Variants in CCNK observed in about 807,000 individuals in gnomAD.
The protein encoded by CCNK is cyclin-K.
In CCNK, 9 loss-of-function variants were observed where a neutral mutation model predicts 65.0. That is an observed-to-expected ratio of 0.14 (90% CI 0.08 to 0.24). The LOEUF is 0.24. Among genes scored for constraint, CCNK ranks in the 10% least tolerant of loss-of-function variants. The pLI is 1.00. For synonymous variants in CCNK, 279 were observed against 270.8 expected (o/e 1.03, Z -0.30); for missense variants, 474 against 720.0 (o/e 0.66, Z 3.91).
chr14:99,492,932 ATAAT>A lies in CCNK; in HGVS notation c.197+61_197+64del, dbSNP rs573499697. 4,898 of 1,357,026 alleles carry A rather than the reference ATAAT, an allele frequency of 3.6e-3. 12 individuals carry two copies. Among genetic ancestry groups the A allele is most frequent in the Non-Finnish European group, 4.5e-3 (4,478 of 1,004,736 alleles). 84.1% of individuals were successfully genotyped at this position (1,357,026 alleles called of 1,614,324 possible). A position where few individuals can be genotyped will look rare whatever the true frequency, so the allele number is the denominator to read the frequency against. ...TAGGCTCCCCACTCACCACCAAGAA[ATAAT>A]TAGATTCTGTAGACAAAATATATAG... On this transcript the variant is annotated intron_variant, in intron 2 of 10. Transcript: ENST00000389879.
chr14:99,499,679 T>G (rs1260913310), intron 4 of CCNK, among the ~76,000 whole-genome samples: 3 of 152,126 alleles, frequency 2.0e-5, no homozygotes, highest in Non-Finnish European at 4.4e-5. Context: ...AGGGGCTGAG[T>G]TCAAGACATT....
chr14:99,510,948 A>G lies in CCNK; in HGVS notation c.*166A>G. On this transcript the variant is annotated 3_prime_UTR_variant, in exon 11 of 11. Coordinates refer to ENST00000389879, the MANE Select transcript of CCNK (RefSeq NM_001099402.2). ...TAAAATCAGAGTGGTCCTCACACCT[A>G]GAGGACGGGGACAACCAGCTTTCAG... 2 of 525,216 alleles carry G rather than the reference A, an allele frequency of 3.8e-6. No individual in the cohort carries two copies. Among genetic ancestry groups the G allele is most frequent in the Non-Finnish European group, 6.0e-6 (2 of 335,070 alleles). The allele number at this position is 525,216 out of a possible 1,614,324, so 32.5% of individuals were successfully genotyped here.
At chr14:99,509,908 T>G in intron 10 of CCNK, 1 of 552,110 alleles carries the variant, frequency 1.8e-6, no homozygotes, top group East Asian at 3.1e-5. Context: ...TGCCTGTAGG[T>G]GGTGTGGTCA....
intron 4 of CCNK, 67 bp from the exon 5 acceptor site, chr14:99,500,699 A>G (rs2139868973): frequency 6.9e-6 from 7 of 1,019,264 alleles, no homozygotes; most frequent in East Asian, 2.6e-5. Context: ...AGGAAAGCTC[A>G]CTTTTGTAAT....
chr14:99,496,324 T>A (rs1173012346), intron 4 of CCNK, among the ~76,000 whole-genome samples: 1 of 152,176 alleles, frequency 6.6e-6, no homozygotes, highest in East Asian at 1.9e-4. Flanking sequence ...AAATAGATTT[T>A]CAAAAATACT....
Position 99,490,119 on chromosome 14 carries a change from T to C in CCNK, c.-52-2507T>C, listed in dbSNP as rs190892743. 3.3e-3 allele frequency among the ~76,000 whole-genome samples: 496 copies of C among 152,356 alleles called. 7 individuals carry two copies. Among genetic ancestry groups the C allele is most frequent in the Non-Finnish European group, 2.9e-3 (199 of 68,028 alleles). ...ATATTTACTTACTAGTGGGTGGTTT[T>C]AACATATGTCCACAATTTCTTTGAT... On this transcript the variant is annotated intron_variant, in intron 1 of 10. Coordinates refer to ENST00000389879, the MANE Select transcript of CCNK (RefSeq NM_001099402.2).
intron 5 of CCNK, 86 bp from the exon 6 acceptor site, chr14:99,501,270 A>G: frequency 1.2e-6 from 1 of 854,666 alleles, no homozygotes; most frequent in Non-Finnish European, 2.0e-6. Flanking sequence ...GTGGTGCTGA[A>G]CACGTGGTAG....
intron 1 of CCNK, among the ~76,000 whole-genome samples, chr14:99,483,749 A>G (rs1315911289): frequency 6.6e-6 from 1 of 152,242 alleles, no homozygotes; most frequent in Non-Finnish European, 1.5e-5. Flanking sequence ...TATCCATGCA[A>G]ATTACCAAAC....
intron 1 of CCNK, among the ~76,000 whole-genome samples, chr14:99,490,339 A>G (rs921505929): frequency 6.6e-6 from 1 of 152,196 alleles, no homozygotes; most frequent in Admixed American, 6.5e-5. Flanking sequence ...GCACCCAAAT[A>G]TGATGTGTAG....
chr14:99,494,126 A>G (rs1896650490), intron 3 of CCNK: 1 of 152,838 alleles, frequency 6.5e-6, no homozygotes, highest in Non-Finnish European at 1.5e-5. Context: ...GAGAGCAGGG[A>G]AAGTGCTAGG....
In CCNK at chr14:99,492,801, G is replaced by C; in HGVS notation, c.124G>C (p.Asp42His). ...AHTPSQLEGL[D>H]PATEARYRRE... ...TACACCCTCACAACTTGAAGGACTT[G>C]ATCCAGCCACCGAGGCCCGGTACCG... Residue 42 changes from aspartate (D) to histidine (H), a missense_variant, in exon 2 of 11, where the codon GAT becomes CAT. Coordinates refer to ENST00000389879, the MANE Select transcript of CCNK (RefSeq NM_001099402.2). 1 of 1,613,212 alleles carries C rather than the reference G, an allele frequency of 6.2e-7. No individual in the cohort carries two copies. The highest frequency in any genetic ancestry group is 8.5e-7 in the Non-Finnish European group (1 of 1,179,694).
chr14:99,501,813 G>A (rs1214142598), intron 6 of CCNK: 3 of 232,660 alleles, frequency 1.3e-5, no homozygotes, highest in East Asian at 1.1e-4. Context: ...CAGAATGCCT[G>A]TGAATGGAGT....
In CCNK at chr14:99,507,069, T is replaced by C. The variant is rs982146603; in HGVS notation, c.1046-7T>C. 4.4e-6 allele frequency: 7 copies of C among 1,590,958 alleles called. No homozygotes were observed. The highest frequency in any genetic ancestry group is 6.0e-6 in the Non-Finnish European group (7 of 1,158,904). ...GAGTGGTTTTCTAATCTGCTTTTTC[T>C]TTGTAGAACCACCACCACCTAAAAT... On this transcript the variant is annotated splice_region_variant and splice_polypyrimidine_tract_variant and intron_variant, in intron 9 of 10. Transcript: ENST00000389879.
chr14:99,510,757 TG>T lies in CCNK; in HGVS notation c.1722del (p.Arg575GlyfsTer5). ...PPPGMPPVGG[L>X]GRAAWMR ...CCCGGCATGCCTCCAGTTGGGGGGC[TG>T]GGGCGGGCAGCCTGGATGAGATAAC... On this transcript the variant is annotated frameshift_variant, in exon 11 of 11. Coordinates refer to ENST00000389879, the MANE Select transcript of CCNK (RefSeq NM_001099402.2). LOFTEE classifies it high-confidence loss of function. 1.4e-6 allele frequency: 2 copies of T among 1,453,550 alleles called. No homozygotes were observed. The highest frequency in any genetic ancestry group is 9.1e-7 in the Non-Finnish European group (1 of 1,103,960). The allele number at this position is 1,453,550 out of a possible 1,614,324, so 90.0% of individuals were successfully genotyped here.
chr14:99,502,822 A>G lies in CCNK; in HGVS notation c.849A>G (p.Pro283=). ...AGCCCCCATCTCTTCAGCCTACACCACAAGTGCCGCAAGTACAGCAGTCAC... is the reference window on the plus strand; with the variant it reads ...AGCCCCCATCTCTTCAGCCTACACCGCAAGTGCCGCAAGTACAGCAGTCAC... ...LQQPPSLQPT[P]QVPQVQQSQP... is the part of the protein sequence containing the mutation. Residue 283 remains proline, a synonymous_variant, in exon 8 of 11, where the codon CCA becomes CCG. Transcript: ENST00000389879. 2 of 1,613,404 alleles carry G rather than the reference A, an allele frequency of 1.2e-6. No homozygotes were observed. Among genetic ancestry groups the G allele is most frequent in the Non-Finnish European group, 1.7e-6 (2 of 1,179,740 alleles).
intron 1 of CCNK, among the ~76,000 whole-genome samples, chr14:99,491,631 G>C (rs962657206): frequency 6.6e-6 from 1 of 152,182 alleles, no homozygotes; most frequent in Non-Finnish European, 1.5e-5. Context: ...TTCCTTCAGA[G>C]CTACCAGGTG....
At chr14:99,491,003 A>C (rs1896586808) in intron 1 of CCNK, among the ~76,000 whole-genome samples, 1 of 151,530 alleles carries the variant, frequency 6.6e-6, no homozygotes, top group Non-Finnish European at 1.5e-5. Flanking sequence ...TGTGTACACT[A>C]TCCTATACCT....
At chr14:99,494,427 T>A (rs1033524640) in intron 3 of CCNK, 3 of 152,248 alleles carry the variant, frequency 2.0e-5, no homozygotes, top group African/African-American at 7.2e-5. Flanking sequence ...AATGACAGAC[T>A]TAACATTAAA....
At position 99,511,704 on chromosome 14, in the gene CCNK, GC is replaced by G. The variant is rs1420154012; in HGVS notation, c.*924del. On this transcript the variant is annotated 3_prime_UTR_variant, in exon 11 of 11. Coordinates refer to ENST00000389879, the MANE Select transcript of CCNK (RefSeq NM_001099402.2). Reference sequence around the variant, plus strand: ...GTGGATCCGCACAGCTGCCTGCCAAGCCAGCCTGCCCCCATCCTGTGCCTGC... The same window carrying G: ...GTGGATCCGCACAGCTGCCTGCCAAGCAGCCTGCCCCCATCCTGTGCCTGC... 1.3e-5 allele frequency: 2 copies of G among 152,646 alleles called. No individual in the cohort carries two copies. The highest frequency in any genetic ancestry group is 1.3e-4 in the Admixed American group (2 of 15,284). 9.5% of individuals were successfully genotyped at this position (152,646 alleles called of 1,614,324 possible).
Sources: gnomAD v4.1 joint callset for allele counts (sites outside exome capture counted in the v4.1 genomes callset) on GRCh38, gnomAD v4.1.1 for gene constraint, MANE v1.5 for transcripts, NCBI Gene and HGNC (gene_info 2026-07-23, HGNC 2026-07-21) for gene names.